CELF2: variants seen among roughly 807,000 people sequenced by gnomAD.
The protein encoded by CELF2 is CUGBP Elav-like family member 2.
CELF2 carries 8 observed loss-of-function variants against 62.6 expected under a neutral mutation model. The observed-to-expected ratio is 0.13, with a 90% CI of 0.07 to 0.23. The LOEUF (loss-of-function observed/expected upper bound fraction) is 0.23. CELF2 is among the 10% of genes least tolerant of loss of function. The pLI is 1.00. For synonymous variants in CELF2, 258 were observed against 250.0 expected (o/e 1.03, Z -0.30); for missense variants, 333 against 671.0 (o/e 0.50, Z 5.56).
intron 3 of CELF2, among the ~76,000 whole-genome samples, chr10:11,238,367 T>G (rs1171756065): frequency 6.6e-6 from 1 of 152,242 alleles, no homozygotes; most frequent in Non-Finnish European, 1.5e-5. Flanking sequence ...GTTGAATCTT[T>G]CCATTTATCT....
the CELF2 span, among the ~76,000 whole-genome samples, chr10:10,700,693 G>T: frequency 6.6e-6 from 1 of 152,254 alleles, no homozygotes; most frequent in East Asian, 1.9e-4. Context: ...CTGCCCCTTG[G>T]CTACCTATTC....
At chr10:10,898,076 A>G (rs1042884594) in intron 1 of CELF2, among the ~76,000 whole-genome samples, 4 of 152,160 alleles carry the variant, frequency 2.6e-5, no homozygotes, top group Non-Finnish European at 4.4e-5. Flanking sequence ...TGGGTTTCAA[A>G]CCTACTTTAG....
chr10:11,327,822 C>T (rs751706493), intron 12 of CELF2, among the ~76,000 whole-genome samples: 1 of 152,192 alleles, frequency 6.6e-6, no homozygotes, highest in Non-Finnish European at 1.5e-5. Flanking sequence ...AAAGTCATGT[C>T]CTCTTCTTCC....
the CELF2 span, among the ~76,000 whole-genome samples, chr10:10,467,353 C>G: frequency 6.6e-6 from 1 of 151,954 alleles, no homozygotes; most frequent in Admixed American, 6.6e-5. Context: ...TTCTTTACCC[C>G]CACTTAATTA....
At chr10:11,259,964 G>C (rs113416308) in intron 5 of CELF2, among the ~76,000 whole-genome samples, 1 of 152,182 alleles carries the variant, frequency 6.6e-6, no homozygotes, top group African/African-American at 2.4e-5. Context: ...TGTTACCGTA[G>C]TAATTTTCAT....
At chr10:10,650,048 T>C in the CELF2 span, among the ~76,000 whole-genome samples, 1 of 152,186 alleles carries the variant, frequency 6.6e-6, no homozygotes, top group Non-Finnish European at 1.5e-5. Context: ...GCCAATCACA[T>C]TGCAACCATC....
the CELF2 span, among the ~76,000 whole-genome samples, chr10:10,579,449 T>C: frequency 6.6e-6 from 1 of 152,154 alleles, no homozygotes; most frequent in Non-Finnish European, 1.5e-5. Flanking sequence ...AGGATTAATA[T>C]AGGTTGTTAA....
At chr10:10,910,699 CAAAAAAAA>C (rs55954207) in intron 1 of CELF2, among the ~76,000 whole-genome samples, 1 of 92,246 alleles carries the variant, frequency 1.1e-5, no homozygotes, top group Non-Finnish European at 2.1e-5. Context: ...GACTCTGCCT[CAAAAAAAA>C]AAAAAAAAAA....
intron 1 of CELF2, among the ~76,000 whole-genome samples, chr10:11,009,511 C>CA (rs1448754272): frequency 6.6e-6 from 1 of 152,164 alleles, no homozygotes; most frequent in Non-Finnish European, 1.5e-5. Flanking sequence ...TATCTCCCCC[C>CA]ACAGCTTTCT....
intron 2 of CELF2, among the ~76,000 whole-genome samples, chr10:11,190,153 T>G (rs992277031): frequency 3.3e-5 from 5 of 152,200 alleles, no homozygotes; most frequent in African/African-American, 1.2e-4. Context: ...ACATGTCTTA[T>G]CTCCTCCAAC....
the CELF2 span, among the ~76,000 whole-genome samples, chr10:10,624,584 A>G: frequency 6.6e-6 from 1 of 152,198 alleles, no homozygotes; most frequent in South Asian, 2.1e-4. Context: ...GCATCATTAC[A>G]GGCATGAGCC....
chr10:10,830,064 A>G (rs2057720921), intron 1 of CELF2, among the ~76,000 whole-genome samples: 1 of 149,442 alleles, frequency 6.7e-6, no homozygotes, highest in Non-Finnish European at 1.5e-5. Context: ...GCATGAGTGT[A>G]TCCGTGTAGA....
the CELF2 span, among the ~76,000 whole-genome samples, chr10:10,520,136 A>G: frequency 6.6e-6 from 1 of 152,242 alleles, no homozygotes; most frequent in South Asian, 2.1e-4. Flanking sequence ...GCATTTTTTA[A>G]GTGAAACATT....
At chr10:10,800,992 A>G (rs532018134) in intron 1 of CELF2, among the ~76,000 whole-genome samples, 1 of 152,328 alleles carries the variant, frequency 6.6e-6, no homozygotes, top group East Asian at 1.9e-4. Flanking sequence ...CTAAGAATGT[A>G]TATGACTACG....
chr10:10,960,334 C>A (rs758182479), intron 2 of CELF2: 13 of 152,340 alleles, frequency 8.5e-5, no homozygotes, highest in Non-Finnish European at 1.2e-4. Flanking sequence ...GAATGTGCTG[C>A]CATCCTAGGC....
chr10:11,315,701 C>T lies in CELF2; in HGVS notation c.1096+1443C>T, dbSNP rs1273176410. Among the ~76,000 whole-genome samples the T allele has an allele frequency of 6.6e-6, 1 of 152,162 alleles. No homozygotes were observed. Among genetic ancestry groups the T allele is most frequent in the Non-Finnish European group, 1.5e-5 (1 of 68,036 alleles). Reference sequence around the variant, plus strand: ...AGCCCGTGAAGTGGTAGCTGTGCCGCGGCCTCATTGTTTTATTCCAGTTAG... The same window carrying T: ...AGCCCGTGAAGTGGTAGCTGTGCCGTGGCCTCATTGTTTTATTCCAGTTAG... On this transcript the variant is annotated intron_variant, in intron 10 of 12. Transcript: ENST00000633077. The surrounding 1 kb of genome is among the most constrained non-coding windows in gnomAD (Gnocchi z 5.8).
chr10:10,479,624 T>C, the CELF2 span, among the ~76,000 whole-genome samples: 2 of 152,192 alleles, frequency 1.3e-5, no homozygotes, highest in African/African-American at 4.8e-5. Context: ...AGGTAGGGTC[T>C]GATTGAAAGC....
chr10:10,515,114 T>C, the CELF2 span, among the ~76,000 whole-genome samples: 147 of 152,338 alleles, frequency 9.6e-4, no homozygotes, highest in Non-Finnish European at 1.5e-3. Context: ...CCAAGTAGGC[T>C]GAGAGCTACT....
At chr10:10,914,257 G>A (rs7097329) in intron 1 of CELF2, among the ~76,000 whole-genome samples, 118,246 of 152,114 alleles carry the variant, frequency 0.78, 46,515 homozygotes, top group East Asian at 0.93. Context: ...CATGTCTTGT[G>A]TTTTACAGTT....
Sources: allele counts gnomAD v4.1 joint callset (sites outside exome capture counted in the v4.1 genomes callset), GRCh38; gene constraint gnomAD v4.1.1; non-coding constraint Gnocchi (gnomAD v3.1); transcripts MANE v1.5; gene names NCBI Gene and HGNC (gene_info 2026-07-23, HGNC 2026-07-21).